The following MINAR1 variants were observed in gnomAD, a reference collection of about 807,000 sequenced individuals.
The protein encoded by MINAR1 is major intrinsically disordered Notch2-binding receptor 1.
Under a neutral mutation model 65.1 loss-of-function variants are expected in MINAR1, and 40 were observed. The ratio of observed to expected loss-of-function variants is 0.61; its 90% CI spans 0.48 to 0.80. The LOEUF is 0.80. Ranked by LOEUF, MINAR1 falls within the 30% of genes least tolerant of loss-of-function variation. The pLI is 0.00. For missense variants in MINAR1, 1,128 were observed against 1,148.0 expected (o/e 0.98, Z 0.25); for synonymous variants, 482 against 449.1 (o/e 1.07, Z -0.93).
rs1006351588 is a variant in MINAR1, at chr15:79,468,278, C to T, written c.2645C>T (p.Ala882Val). The change falls in exon 4 of 4, where the codon GCC (alanine) becomes GTC (valine). Residue 882 changes from alanine (A) to valine (V), a missense_variant. By Grantham distance (64) the Ala-to-Val change is moderately conservative. Coordinates refer to ENST00000305428, the MANE Select transcript of MINAR1 (RefSeq NM_015206.3). ...GYDSLLKRKE[A>V]EFRRAKVCKI... is the part of the protein sequence containing the mutation. ...GATTCATTACTAAAACGTAAAGAAG[C>T]CGAATTCAGACGAGCCAAGGTCTGC... The T allele has an allele frequency of 3.7e-6, 6 of 1,613,954 alleles. No individual in the cohort carries two copies. Among genetic ancestry groups the T allele is most frequent in the Non-Finnish European group, 5.1e-6 (6 of 1,179,960 alleles).
At chr15:79,450,442 G>A (rs1286513925) in intron 1 of MINAR1, among the ~76,000 whole-genome samples, 2 of 151,790 alleles carry the variant, frequency 1.3e-5, no homozygotes, top group African/African-American at 4.8e-5. Flanking sequence ...ATTGGCGGGC[G>A]ACGAGAGCAC....
chr15:79,437,109 GAAAACAAAC>G, intron 1 of MINAR1, among the ~76,000 whole-genome samples: 1 of 94,484 alleles, frequency 1.1e-5, no homozygotes. Context: ...AACTAACTAA[GAAAACAAAC>G]AAACAAAGAT....
chr15:79,415,462 C>A, the MINAR1 span: 1 of 152,176 alleles, frequency 6.6e-6, no homozygotes, highest in Non-Finnish European at 1.5e-5. Flanking sequence ...TTTGCAATTT[C>A]TTGATCGTAT....
rs191207027 is a variant in MINAR1, at chr15:79,450,711, A to G, written c.-50-5387A>G. ...AACTAAAAGTCTTTAAATAAGTTGA[A>G]AATGTAAAACTTGAGAGGCCAGAAT... On this transcript the variant is annotated intron_variant, in intron 1 of 3. Transcript: ENST00000305428. 4.4e-3 allele frequency among the ~76,000 whole-genome samples: 677 copies of G among 152,300 alleles called. 5 individuals are homozygous for G. Among genetic ancestry groups the G allele is most frequent in the African/African-American group, 0.015 (631 of 41,560 alleles).
intron 1 of MINAR1, among the ~76,000 whole-genome samples, chr15:79,444,784 C>T (rs1182886024): frequency 6.7e-6 from 1 of 149,376 alleles, no homozygotes; most frequent in Non-Finnish European, 1.5e-5. Flanking sequence ...AAAAAAAAAT[C>T]ACTGCAGGAT....
At chr15:79,425,139 A>G in the MINAR1 span, 1 of 151,982 alleles carries the variant, frequency 6.6e-6, no homozygotes, top group Admixed American at 6.6e-5. Flanking sequence ...TCTCAGGTTC[A>G]AGCTATTCCC....
chr15:79,431,150 C>A (rs1190579595), upstream of MINAR1, among the ~76,000 whole-genome samples: 1 of 150,584 alleles, frequency 6.6e-6, no homozygotes, highest in African/African-American at 2.4e-5. Context: ...TGCTCCTTAG[C>A]AGCTCTGTTC....
chr15:79,458,311 A>C lies in MINAR1; in HGVS notation c.2164A>C (p.Lys722Gln). 6.2e-7 allele frequency: 1 copy of C among 1,614,204 alleles called. No homozygotes were observed. The highest frequency in any genetic ancestry group is 8.5e-7 in the Non-Finnish European group (1 of 1,180,038). The change falls in exon 2 of 4, where the codon AAA (lysine) becomes CAA (glutamine). Residue 722 changes from lysine to glutamine, a missense_variant. Physicochemically the swap from Lys to Gln is moderately conservative, Grantham distance 53. Coordinates refer to ENST00000305428, the MANE Select transcript of MINAR1 (RefSeq NM_015206.3). ...LTEENSATES[K>Q]IASISNSPRD... ...AGAGGAGAACAGTGCCACAGAGTCC[A>C]AAATTGCCAGCATCTCCAACTCGCC...
rs1047663314 is a variant in MINAR1, at chr15:79,470,353, C to A, written c.*1969C>A. The A allele has an allele frequency of 6.6e-6, 1 of 152,346 alleles. No homozygotes were observed. Among genetic ancestry groups the A allele is most frequent in the African/African-American group, 2.4e-5 (1 of 41,448 alleles). 9.4% of individuals were successfully genotyped at this position (152,346 alleles called of 1,614,324 possible). A position where few individuals can be genotyped will look rare whatever the true frequency, so the allele number is the denominator to read the frequency against. ...AAGACTCTACACCATATTGTAGCCC[C>A]ACTATTCTCCTCTTTATCACAGATG... On this transcript the variant is annotated 3_prime_UTR_variant, in exon 4 of 4. Coordinates refer to ENST00000305428, the MANE Select transcript of MINAR1 (RefSeq NM_015206.3).
At chr15:79,420,232 C>A in the MINAR1 span, 1 of 152,168 alleles carries the variant, frequency 6.6e-6, no homozygotes, top group African/African-American at 2.4e-5. Flanking sequence ...ATTAGATTAT[C>A]ATTCTACAGG....
chr15:79,411,541 G>A, the MINAR1 span: 1 of 700,284 alleles, frequency 1.4e-6, no homozygotes, highest in Non-Finnish European at 2.6e-6. Context: ...AGTGGATGGA[G>A]GGAAGACACA....
At chr15:79,436,361 G>A (rs1894599921) in intron 1 of MINAR1, among the ~76,000 whole-genome samples, 1 of 152,150 alleles carries the variant, frequency 6.6e-6, no homozygotes, top group South Asian at 2.1e-4. Context: ...CGTGGCATGC[G>A]GCTGTCATTT....
chr15:79,455,221 C>T (rs1895371759), intron 1 of MINAR1, among the ~76,000 whole-genome samples: 1 of 152,138 alleles, frequency 6.6e-6, no homozygotes, highest in South Asian at 2.1e-4. Flanking sequence ...TCCATATTTA[C>T]AATCCGAACT....
chr15:79,425,805 C>T, the MINAR1 span: 1 of 152,378 alleles, frequency 6.6e-6, no homozygotes, highest in African/African-American at 2.4e-5. Flanking sequence ...CCCAAGCCTC[C>T]TGCCTCCTTG....
At position 79,463,064 on chromosome 15, in the gene MINAR1, C is replaced by T; in HGVS notation, c.2299-3C>T. On this transcript the variant is annotated splice_polypyrimidine_tract_variant and splice_region_variant and intron_variant, in intron 2 of 3. Coordinates refer to ENST00000305428, the MANE Select transcript of MINAR1 (RefSeq NM_015206.3). ...GTCTGGACTTCTTTGTGCCCCTCTG[C>T]AGGCAGACAGGCAGTACGACATTCC... The T allele has an allele frequency of 1.9e-6, 3 of 1,608,524 alleles. No individual in the cohort carries two copies. In the East Asian group the frequency reaches 6.7e-5, roughly 36 times the overall value.
At chr15:79,464,599 G>T (rs1333982922) in intron 3 of MINAR1, among the ~76,000 whole-genome samples, 2 of 152,120 alleles carry the variant, frequency 1.3e-5, no homozygotes, top group Non-Finnish European at 2.9e-5. Flanking sequence ...TCTTGTTAAG[G>T]GTTTAGTGGA....
chr15:79,468,338 C>T lies in MINAR1; in HGVS notation c.2705C>T (p.Thr902Ile), dbSNP rs371427468. Residue 902 changes from threonine (T) to isoleucine (I), a missense_variant, in exon 4 of 4, where the codon ACC becomes ATC. Physicochemically the swap from Thr to Ile is moderately conservative, Grantham distance 89 (BLOSUM62 -1). Transcript: ENST00000305428. Reference sequence around the variant, plus strand: ...GCTCTGATCGCTGCTGCGGCATGCACCGTCATCCTCGTTATTGTCGTGCCC... The same window carrying T: ...GCTCTGATCGCTGCTGCGGCATGCATCGTCATCCTCGTTATTGTCGTGCCC... ...IAALIAAAACTVILVIVVPIC... is the reference protein window; with the variant it reads ...IAALIAAAACIVILVIVVPIC... 31 of 1,614,004 alleles carry T rather than the reference C, an allele frequency of 1.9e-5. No individual in the cohort carries two copies. Among genetic ancestry groups the T allele is most frequent in the Middle Eastern group, 1.6e-4 (1 of 6,084 alleles).
At chr15:79,452,663 GGTGTGGGTATGAGTCTGGGTGTGTGT>G (rs1386349804) in intron 1 of MINAR1, among the ~76,000 whole-genome samples, 2 of 135,444 alleles carry the variant, frequency 1.5e-5, no homozygotes, top group South Asian at 2.4e-4. Flanking sequence ...GGTGAGTGTG[GGTGTGGGTATGAGTCTGGGTGTGTGT>G]GTGTGGGTGT....
the MINAR1 span, chr15:79,421,846 GA>G: frequency 6.6e-6 from 1 of 151,992 alleles, no homozygotes; most frequent in Non-Finnish European, 1.5e-5. Flanking sequence ...CCAAAACCCG[GA>G]AATGCCTTGT....
Sources: gnomAD v4.1 joint callset for allele counts (sites outside exome capture counted in the v4.1 genomes callset) on GRCh38, gnomAD v4.1.1 for gene constraint, MANE v1.5 for transcripts, NCBI Gene and HGNC (gene_info 2026-07-23, HGNC 2026-07-21) for gene names.